SLFN12L: variants seen among roughly 807,000 people sequenced by gnomAD.
SLFN12L encodes the protein schlafen family member 12 like, also known as schlafen family member 12-like.
A neutral mutation model predicts 34.8 loss-of-function variants in SLFN12L; 34 were observed. The observed-to-expected ratio is 0.98, with a 90% CI of 0.74 to 1.30. The LOEUF is 1.30. SLFN12L is among the 50% of genes most tolerant of loss of function. The pLI is 0.00. For missense variants in SLFN12L, 703 were observed against 696.2 expected (o/e 1.01, Z -0.11); for synonymous variants, 259 against 247.5 (o/e 1.05, Z -0.44).
intron 2 of SLFN12L, among the ~76,000 whole-genome samples, chr17:35,512,386 A>G (rs533362665): frequency 0.19 from 14,390 of 75,122 alleles, 44 homozygotes; most frequent in Middle Eastern, 0.36. Context: ...TTTTTTTTGA[A>G]ACGGAGTCTC....
At chr17:35,525,520 A>T (rs1339162869) in intron 1 of SLFN12L, among the ~76,000 whole-genome samples, 1 of 152,216 alleles carries the variant, frequency 6.6e-6, no homozygotes, top group African/African-American at 2.4e-5. Flanking sequence ...TCTCTGCAGA[A>T]ATCCTACAAG....
At chr17:35,530,442 AAGAAAGAAAG>A (rs2072391593) in intron 1 of SLFN12L, among the ~76,000 whole-genome samples, 2 of 9,684 alleles carry the variant, frequency 2.1e-4, no homozygotes, top group African/African-American at 4.3e-4. Context: ...AAGGGAAGGG[AAGAAAGAAAG>A]AAAGAAAGAA....
chr17:35,522,956 A>G lies in SLFN12L; in HGVS notation c.-592T>C. On this transcript the variant is annotated 5_prime_UTR_variant, in exon 2 of 5. Coordinates refer to ENST00000628453, the MANE Select transcript of SLFN12L (RefSeq NM_001363830.2). ...AGAGGGATTCCAGAGTACATCGCAA[A>G]TATCCTGGTAGCACTAGATGTGAAA... 1 of 534,510 alleles carries G rather than the reference A, an allele frequency of 1.9e-6. No individual in the cohort carries two copies. The allele number at this position is 534,510 out of a possible 1,614,324, so 33.1% of individuals were successfully genotyped here.
chr17:35,475,882 A>G (rs902645842), intron 4 of SLFN12L, among the ~76,000 whole-genome samples: 2 of 151,596 alleles, frequency 1.3e-5, no homozygotes, highest in African/African-American at 4.8e-5. Context: ...CCTGGGCAAC[A>G]GCATGAGATT....
In SLFN12L at chr17:35,479,261, A is replaced by C. The variant is rs200669431; in HGVS notation, c.1021T>G (p.Cys341Gly). Residue 341 changes from cysteine to glycine, a missense_variant, in exon 3 of 5, where the codon TGT (cysteine) becomes GGT (glycine). By Grantham distance (159) the Cys-to-Gly change is radical (BLOSUM62 -3). Transcript: ENST00000628453. ...ACTCTGAGTGCATACACATATCCAC[A>C]AAGCCTTCCTTTATCATATACTCCA... ...FLGVYDKGRL[C>G]GYVYALRVER... The C allele has an allele frequency of 1.3e-3, 2,013 of 1,592,822 alleles. No homozygotes were observed. The highest frequency in any genetic ancestry group is 1.5e-3 in the Non-Finnish European group (1,793 of 1,168,068).
chr17:35,532,257 T>C (rs2072418570), intron 1 of SLFN12L, among the ~76,000 whole-genome samples: 2 of 150,612 alleles, frequency 1.3e-5, no homozygotes, highest in African/African-American at 4.9e-5. Context: ...CTGGCCAACA[T>C]AGCGAAACCC....
intron 1 of SLFN12L, among the ~76,000 whole-genome samples, chr17:35,525,043 C>T (rs2072320343): frequency 6.6e-6 from 1 of 151,776 alleles, no homozygotes; most frequent in East Asian, 1.9e-4. Flanking sequence ...AAACACAGCA[C>T]GAGAACTTCG....
At chr17:35,504,577 C>T (rs577925584) in intron 2 of SLFN12L, among the ~76,000 whole-genome samples, 2 of 152,292 alleles carry the variant, frequency 1.3e-5, no homozygotes, top group Non-Finnish European at 2.9e-5. Flanking sequence ...GGGTGGTCCT[C>T]CAGTCGACCA....
intron 2 of SLFN12L, chr17:35,490,926 G>C: frequency 1.3e-6 from 1 of 793,854 alleles, no homozygotes; most frequent in Admixed American, 1.7e-5. Flanking sequence ...GACCCCAATG[G>C]GAATATCCTT....
intron 2 of SLFN12L, among the ~76,000 whole-genome samples, chr17:35,484,200 A>G (rs1355900373): frequency 1.3e-5 from 2 of 152,174 alleles, no homozygotes; most frequent in African/African-American, 2.4e-5. Flanking sequence ...ACTCTCTATC[A>G]TCCATCCCAG....
Position 35,474,390 on chromosome 17 carries a change from C to T in SLFN12L, c.*533G>A, listed in dbSNP as rs573252324. 8.5e-5 allele frequency: 13 copies of T among 152,428 alleles called. No homozygotes were observed. Among genetic ancestry groups the T allele is most frequent in the Middle Eastern group, 3.4e-3 (1 of 294 alleles). The allele number at this position is 152,428 out of a possible 1,614,324, so 9.4% of individuals were successfully genotyped here. ...TATCTATAAAGAACTTAGGAAGAAG[C>T]GAACATAGGCTAATCCCAGTTTTCC... On this transcript the variant is annotated 3_prime_UTR_variant, in exon 5 of 5. Transcript: ENST00000628453.
At chr17:35,488,198 G>A (rs1469737776) in intron 2 of SLFN12L, among the ~76,000 whole-genome samples, 4 of 152,180 alleles carry the variant, frequency 2.6e-5, no homozygotes, top group Non-Finnish European at 5.9e-5. Flanking sequence ...GACAGAGCAA[G>A]ACTCCGTCTC....
intron 2 of SLFN12L, among the ~76,000 whole-genome samples, chr17:35,511,590 C>T (rs903527963): frequency 7.0e-4 from 104 of 148,530 alleles, no homozygotes; most frequent in Non-Finnish European, 2.9e-4. Flanking sequence ...CACATACACA[C>T]ACACACACAC....
chr17:35,519,193 TA>T (rs1164826725), intron 2 of SLFN12L, among the ~76,000 whole-genome samples: 4 of 151,462 alleles, frequency 2.6e-5, no homozygotes, highest in African/African-American at 9.7e-5. Flanking sequence ...TGTCAGAGGG[TA>T]GGGGGGCAAG....
chr17:35,503,614 G>T (rs1417877422), intron 2 of SLFN12L, among the ~76,000 whole-genome samples: 2 of 151,920 alleles, frequency 1.3e-5, no homozygotes, highest in African/African-American at 4.8e-5. Context: ...TAGTAGAAAG[G>T]CACCAAGGAC....
chr17:35,528,143 G>T (rs1351654242), intron 1 of SLFN12L, among the ~76,000 whole-genome samples: 1 of 152,146 alleles, frequency 6.6e-6, no homozygotes, highest in Non-Finnish European at 1.5e-5. Context: ...CAACTTACAA[G>T]GGATGTGAAG....
At chr17:35,503,399 C>G (rs1022683937) in intron 2 of SLFN12L, among the ~76,000 whole-genome samples, 10 of 152,104 alleles carry the variant, frequency 6.6e-5, no homozygotes, top group Non-Finnish European at 1.5e-4. Context: ...AAAAATCTTA[C>G]CTAATGGTCC....
intron 2 of SLFN12L, 83 bp from the exon 3 acceptor site, chr17:35,480,278 T>C: frequency 9.2e-7 from 1 of 1,089,902 alleles, no homozygotes; most frequent in South Asian, 1.7e-5. Context: ...GAAAAATCCT[T>C]TACTGTATAT....
chr17:35,535,919 G>A (rs184324410), intron 1 of SLFN12L, among the ~76,000 whole-genome samples: 1 of 152,256 alleles, frequency 6.6e-6, no homozygotes, highest in Admixed American at 6.5e-5. Context: ...GCCTCCCAAA[G>A]TGCTGGGATT....
Sources: allele counts gnomAD v4.1 joint callset (sites outside exome capture counted in the v4.1 genomes callset), GRCh38; gene constraint gnomAD v4.1.1; transcripts MANE v1.5; gene names NCBI Gene and HGNC (gene_info 2026-07-23, HGNC 2026-07-21).